Variants in USP48 observed in about 807,000 individuals in gnomAD.
USP48 encodes ubiquitin specific peptidase 48, also known as ubiquitin carboxyl-terminal hydrolase 48.
USP48 carries 43 observed loss-of-function variants against 150.7 expected under a neutral mutation model. The observed-to-expected ratio is 0.29, with a 90% CI of 0.22 to 0.37. The LOEUF (loss-of-function observed/expected upper bound fraction) is 0.37, where lower values mean the gene tolerates loss of function less well. Ranked by LOEUF, USP48 falls within the 10% of genes least tolerant of loss-of-function variation. The pLI is 1.00. For missense variants in USP48, 813 were observed against 1,249.6 expected (o/e 0.65, Z 5.27); for synonymous variants, 396 against 425.9 (o/e 0.93, Z 0.86).
intron 11 of USP48, among the ~76,000 whole-genome samples, chr1:21,725,899 T>C (rs1232460925): frequency 5.3e-5 from 8 of 152,112 alleles, no homozygotes; most frequent in Admixed American, 4.6e-4. Context: ...AGGGATAGAG[T>C]ACACTGGGTA....
chr1:21,754,384 G>C (rs333205), intron 3 of USP48, among the ~76,000 whole-genome samples: 149,787 of 152,262 alleles, frequency 0.98, 73,714 homozygotes, highest in Non-Finnish European at 1. Context: ...ATACAAAACC[G>C]TAGAATTTTA....
chr1:21,772,512 A>C (rs979465847), intron 1 of USP48, among the ~76,000 whole-genome samples: 1 of 151,594 alleles, frequency 6.6e-6, no homozygotes, highest in Non-Finnish European at 1.5e-5. Flanking sequence ...AGTCCCAGCT[A>C]CTTGGGAGGC....
In USP48 at chr1:21,721,774, A is replaced by G; in HGVS notation, c.1649-10T>C. 1 of 1,540,942 alleles carries G rather than the reference A, an allele frequency of 6.5e-7. No homozygotes were observed. ...TTACACAGGGCTTTCACTACAGGCA[A>G]GAAAGAATGAAAGGAAATATATTTC... On this transcript the variant is annotated splice_polypyrimidine_tract_variant and intron_variant, in intron 12 of 26. Coordinates refer to ENST00000308271, the MANE Select transcript of USP48 (RefSeq NM_032236.8).
At chr1:21,733,038 T>C (rs1487720768) in intron 9 of USP48, among the ~76,000 whole-genome samples, 4 of 151,994 alleles carry the variant, frequency 2.6e-5, no homozygotes, top group South Asian at 2.1e-4. Flanking sequence ...ACAAAAAAGG[T>C]TGGAAGATCA....
intron 8 of USP48, among the ~76,000 whole-genome samples, chr1:21,744,266 C>A (rs190366383): frequency 1.3e-5 from 2 of 151,208 alleles, no homozygotes; most frequent in Non-Finnish European, 2.9e-5. Context: ...GCCAATATGG[C>A]GAAATCCCAT....
intron 9 of USP48, 64 bp from the exon 10 acceptor site, chr1:21,729,896 G>A: frequency 1.3e-6 from 2 of 1,599,414 alleles, no homozygotes; most frequent in Non-Finnish European, 1.7e-6. Context: ...TTCTTTAGCG[G>A]GGCTATAGAA....
intron 15 of USP48, among the ~76,000 whole-genome samples, chr1:21,714,810 C>T (rs970377182): frequency 3.9e-5 from 6 of 152,214 alleles, no homozygotes; most frequent in Non-Finnish European, 7.3e-5. Context: ...AAAAAATTAT[C>T]TAGCACATAG....
At chr1:21,764,643 T>C (rs1369953996) in intron 1 of USP48, among the ~76,000 whole-genome samples, 1 of 148,614 alleles carries the variant, frequency 6.7e-6, no homozygotes, top group Non-Finnish European at 1.5e-5. Flanking sequence ...GAGGCGGAGG[T>C]TGCAGTGAGC....
chr1:21,778,446 C>T (rs1362993493), intron 1 of USP48, among the ~76,000 whole-genome samples: 4 of 151,844 alleles, frequency 2.6e-5, no homozygotes, highest in Non-Finnish European at 4.4e-5. Context: ...ATAGCGCAGC[C>T]ACTCTGGAAA....
At chr1:21,774,656 C>G (rs2097892578) in intron 1 of USP48, among the ~76,000 whole-genome samples, 1 of 151,864 alleles carries the variant, frequency 6.6e-6, no homozygotes, top group Non-Finnish European at 1.5e-5. Context: ...CACTGTACTC[C>G]AGCCTGGCAA....
chr1:21,777,535 G>C (rs1442456969), intron 1 of USP48, among the ~76,000 whole-genome samples: 1 of 151,992 alleles, frequency 6.6e-6, no homozygotes, highest in Non-Finnish European at 1.5e-5. Flanking sequence ...GGGTGTGGTG[G>C]TACAACTTGC....
chr1:21,763,344 C>A (rs867814088), intron 1 of USP48, among the ~76,000 whole-genome samples: 12 of 152,204 alleles, frequency 7.9e-5, no homozygotes, highest in Non-Finnish European at 1.3e-4. Flanking sequence ...GGCTCCCGAG[C>A]CTCTATGGCC....
intron 1 of USP48, among the ~76,000 whole-genome samples, chr1:21,765,850 G>A (rs572658166): frequency 2.2e-5 from 3 of 134,334 alleles, no homozygotes; most frequent in South Asian, 4.8e-4. Flanking sequence ...GTTGCAGTTA[G>A]CCGAGATCCC....
chr1:21,723,387 G>C lies in USP48; in HGVS notation c.1648+511C>G, dbSNP rs1474508424. Among the ~76,000 whole-genome samples the C allele has an allele frequency of 1.3e-5, 2 of 151,976 alleles. 1 individual carries two copies. The highest frequency in any genetic ancestry group is 4.8e-5 in the African/African-American group (2 of 41,342). On this transcript the variant is annotated intron_variant, in intron 12 of 26. Transcript: ENST00000308271. ...ATACAAAAATTAGCTGGGCATGGTG[G>C]TGCGCACCTGTAATCTCAGCTACTC...
chr1:21,741,400 G>T (rs114505839), intron 8 of USP48, among the ~76,000 whole-genome samples: 56 of 152,310 alleles, frequency 3.7e-4, no homozygotes, highest in African/African-American at 1.3e-3. Flanking sequence ...CTTCTTCAAT[G>T]ATATCTTCAA....
intron 8 of USP48, among the ~76,000 whole-genome samples, chr1:21,739,467 C>T (rs1296165425): frequency 7.2e-6 from 1 of 139,180 alleles, no homozygotes; most frequent in South Asian, 2.2e-4. Flanking sequence ...TGCAGTGAGC[C>T]GAGATCATGC....
chr1:21,775,828 A>G (rs1333089701), intron 1 of USP48, among the ~76,000 whole-genome samples: 1 of 152,214 alleles, frequency 6.6e-6, no homozygotes, highest in East Asian at 1.9e-4. Context: ...AGATCCCTTG[A>G]GCCCAGGAGT....
At chr1:21,748,882 G>A (rs1436608812) in intron 6 of USP48, among the ~76,000 whole-genome samples, 2 of 152,152 alleles carry the variant, frequency 1.3e-5, no homozygotes, top group Non-Finnish European at 2.9e-5. Context: ...CTGCACTCCA[G>A]CCTGGAAACA....
chr1:21,783,103 G>C lies in USP48; in HGVS notation c.-146C>G, dbSNP rs1475160294. 7.6e-5 allele frequency: 92 copies of C among 1,211,940 alleles called. No homozygotes were observed. Among genetic ancestry groups the C allele is most frequent in the Non-Finnish European group, 9.4e-5 (88 of 939,632 alleles). 75.1% of individuals were successfully genotyped at this position (1,211,940 alleles called of 1,614,324 possible). A position where few individuals can be genotyped will look rare whatever the true frequency, so the allele number is the denominator to read the frequency against. Reference sequence around the variant, plus strand: ...GCTGGCCAGTCAATCACCTGTGCGCGCCACTGCCGCCGCGCCCGCCCGCGC... The same window carrying C: ...GCTGGCCAGTCAATCACCTGTGCGCCCCACTGCCGCCGCGCCCGCCCGCGC... On this transcript the variant is annotated 5_prime_UTR_variant, in exon 1 of 27. Coordinates refer to ENST00000308271, the MANE Select transcript of USP48 (RefSeq NM_032236.8).
Sources: allele counts gnomAD v4.1 joint callset (sites outside exome capture counted in the v4.1 genomes callset), GRCh38; gene constraint gnomAD v4.1.1; transcripts MANE v1.5; gene names NCBI Gene and HGNC (gene_info 2026-07-23, HGNC 2026-07-21).